The following GCNT1 variants were observed in gnomAD, a reference collection of about 807,000 sequenced individuals.
The protein encoded by GCNT1 is beta-1,3-galactosyl-O-glycosyl-glycoprotein beta-1,6-N-acetylglucosaminyltransferase.
Under a neutral mutation model 26.2 loss-of-function variants are expected in GCNT1, and 16 were observed. The observed-to-expected ratio is 0.61, with a 90% CI of 0.41 to 0.93. GCNT1 has a LOEUF of 0.93. GCNT1 is among the 40% of genes least tolerant of loss of function. GCNT1 has a pLI of 0.00. For missense variants in GCNT1, 477 were observed against 526.7 expected (o/e 0.91, Z 0.92); for synonymous variants, 183 against 190.8 (o/e 0.96, Z 0.34).
intron 2 of GCNT1, among the ~76,000 whole-genome samples, chr9:76,497,681 A>G (rs775995128): frequency 1.8e-4 from 28 of 152,080 alleles, no homozygotes; most frequent in South Asian, 4.1e-4. Context: ...TGTATTTTCT[A>G]TTTGGATTTC....
At chr9:76,477,135 G>A (rs1035707240) in intron 2 of GCNT1, among the ~76,000 whole-genome samples, 28 of 151,844 alleles carry the variant, frequency 1.8e-4, no homozygotes, top group African/African-American at 6.5e-4. Flanking sequence ...GGCTGGTCTC[G>A]AAATCCTTGC....
rs7018821 is a variant in GCNT1, at chr9:76,475,497, G to T, written c.-290+15320G>T. Among the ~76,000 whole-genome samples the T allele has an allele frequency of 9.2e-3, 1,403 of 152,296 alleles. 17 individuals are homozygous for T. The highest frequency in any genetic ancestry group is 0.032 in the African/African-American group (1,318 of 41,558). On this transcript the variant is annotated intron_variant, in intron 2 of 3. Coordinates refer to ENST00000376730, the MANE Select transcript of GCNT1 (RefSeq NM_001490.5). ...CTGCCCTACATTTTTTGGGAGAAAG[G>T]AAGTGGATTTTGTAATATTTGGACA...
At chr9:76,437,237 G>T (rs904758502), upstream of GCNT1, among the ~76,000 whole-genome samples, 1 of 152,158 alleles carries the variant, frequency 6.6e-6, no homozygotes, top group African/African-American at 2.4e-5. Flanking sequence ...GAAACTTACT[G>T]GGCTGCATTC....
intron 1 of GCNT1, among the ~76,000 whole-genome samples, chr9:76,444,997 G>A (rs1464004255): frequency 6.6e-6 from 1 of 152,184 alleles, no homozygotes; most frequent in Non-Finnish European, 1.5e-5. Context: ...AGAATAAATA[G>A]CCCACCATAC....
Position 76,503,667 on chromosome 9 carries a change from G to T in GCNT1, c.1286G>T (p.Ter429LeuextTer7). The change falls in exon 4 of 4, where the codon TGA becomes TTA. Residue 429 changes from the stop codon to leucine, a stop_lost. Coordinates refer to ENST00000376730, the MANE Select transcript of GCNT1 (RefSeq NM_001490.5). Reference sequence around the variant, plus strand: ...AAAGCTTTGGAGACATTAAAACACTGACCATTACGGGCAATTTTATGAACA... The same window carrying T: ...AAAGCTTTGGAGACATTAAAACACTTACCATTACGGGCAATTTTATGAACA... ...RHKALETLKH[*>L] is the part of the protein sequence containing the mutation. 2 of 1,607,660 alleles carry T rather than the reference G, an allele frequency of 1.2e-6. No individual in the cohort carries two copies. Among genetic ancestry groups the T allele is most frequent in the South Asian group, 2.2e-5 (2 of 90,958 alleles).
chr9:76,463,303 A>G (rs1333852066), intron 2 of GCNT1, among the ~76,000 whole-genome samples: 1 of 152,228 alleles, frequency 6.6e-6, no homozygotes, highest in East Asian at 1.9e-4. Context: ...GAACATGGTG[A>G]CCACAGAGCA....
intron 2 of GCNT1, among the ~76,000 whole-genome samples, chr9:76,473,153 CAA>C (rs1824177717): frequency 6.6e-6 from 1 of 152,180 alleles, no homozygotes; most frequent in Non-Finnish European, 1.5e-5. Context: ...CTGTTTCCAG[CAA>C]CACTAGATGC....
chr9:76,477,895 C>G (rs1205453252), intron 2 of GCNT1, among the ~76,000 whole-genome samples: 1 of 152,192 alleles, frequency 6.6e-6, no homozygotes, highest in Non-Finnish European at 1.5e-5. Flanking sequence ...GTGAAGCCAG[C>G]TGGGCTTCTG....
chr9:76,460,041 GCTT>G lies in GCNT1; in HGVS notation c.-407-15_-407-13del, dbSNP rs373480980. ...GAAATGGAAGAAGCCCTTGCTCACT[GCTT>G]CTTTTCTCCTGGCAGCGCTTTCTGC... On this transcript the variant is annotated splice_polypyrimidine_tract_variant and intron_variant, in intron 1 of 3. Coordinates refer to ENST00000376730, the MANE Select transcript of GCNT1 (RefSeq NM_001490.5). The G allele has an allele frequency of 6.6e-6, 1 of 152,174 alleles. No homozygotes were observed. Among genetic ancestry groups the G allele is most frequent in the African/African-American group, 2.4e-5 (1 of 41,418 alleles). 9.4% of individuals were successfully genotyped at this position (152,174 alleles called of 1,614,324 possible).
chr9:76,465,044 G>A (rs897284821), intron 2 of GCNT1, among the ~76,000 whole-genome samples: 9 of 152,064 alleles, frequency 5.9e-5, no homozygotes, highest in African/African-American at 1.9e-4. Context: ...CTATTCACAG[G>A]AGCAATCATA....
At chr9:76,409,736 G>T in the GCNT1 span, among the ~76,000 whole-genome samples, 1 of 152,074 alleles carries the variant, frequency 6.6e-6, no homozygotes, top group African/African-American at 2.4e-5. Context: ...ATGAGCCACC[G>T]CATCTGGCTG....
chr9:76,418,506 T>C (rs1823151625), upstream of GCNT1, among the ~76,000 whole-genome samples: 1 of 152,154 alleles, frequency 6.6e-6, no homozygotes, highest in Non-Finnish European at 1.5e-5. Flanking sequence ...TTCAGACGGT[T>C]GGTTGGTGGG....
chr9:76,490,485 G>A (rs1374479515), intron 2 of GCNT1, among the ~76,000 whole-genome samples: 1 of 152,302 alleles, frequency 6.6e-6, no homozygotes, highest in East Asian at 1.9e-4. Context: ...TGACAGACTT[G>A]AGCTTTGAGG....
At chr9:76,491,971 G>A (rs1824750835) in intron 2 of GCNT1, among the ~76,000 whole-genome samples, 1 of 152,162 alleles carries the variant, frequency 6.6e-6, no homozygotes, top group African/African-American at 2.4e-5. Flanking sequence ...TATTTTGATA[G>A]CCTCTGACAC....
At chr9:76,491,737 T>G (rs914630400) in intron 2 of GCNT1, among the ~76,000 whole-genome samples, 2 of 152,206 alleles carry the variant, frequency 1.3e-5, no homozygotes, top group Non-Finnish European at 2.9e-5. Context: ...AGCATAAGTC[T>G]GGACAATAAT....
the GCNT1 span, among the ~76,000 whole-genome samples, chr9:76,413,668 G>GTTTTTTTTTTTTTTTTTTTGT: frequency 1.2e-5 from 1 of 84,212 alleles, no homozygotes; most frequent in African/African-American, 4.0e-5. Flanking sequence ...TTTTTTTTTT[G>GTTTTTTTTTTTTTTTTTTTGT]TTTTTTTTTT....
intron 2 of GCNT1, among the ~76,000 whole-genome samples, chr9:76,480,048 G>T (rs1423795107): frequency 6.6e-6 from 1 of 152,168 alleles, no homozygotes; most frequent in East Asian, 1.9e-4. Flanking sequence ...GTAAGGAAGG[G>T]ATCCAGTTTC....
rs539449018 is a variant in GCNT1, at chr9:76,491,036, T to C, written c.-289-9880T>C. ...ACCTTCAATTATCAATTATAGGTTT[T>C]TAATTTACCCTGGCTTTTAAAGGAA... On this transcript the variant is annotated intron_variant, in intron 2 of 3. Coordinates refer to ENST00000376730, the MANE Select transcript of GCNT1 (RefSeq NM_001490.5). Among the ~76,000 whole-genome samples the C allele has an allele frequency of 4.6e-5, 7 of 152,386 alleles. No individual in the cohort carries two copies. The East Asian group carries it at 9.6e-4, about 21-fold the overall frequency.
upstream of GCNT1, among the ~76,000 whole-genome samples, chr9:76,454,648 G>T (rs544075369): frequency 2.0e-5 from 3 of 151,194 alleles, no homozygotes; most frequent in African/African-American, 2.4e-5. Flanking sequence ...AGTTTCCCCC[G>T]TGTTGTTTTT....
Sources: allele counts gnomAD v4.1 joint callset (sites outside exome capture counted in the v4.1 genomes callset), GRCh38; gene constraint gnomAD v4.1.1; transcripts MANE v1.5; gene names NCBI Gene and HGNC (gene_info 2026-07-23, HGNC 2026-07-21).